Variants in DCAF8L2 observed in about 807,000 individuals in gnomAD.
DCAF8L2 encodes the protein DDB1 and CUL4 associated factor 8 like 2.
For missense variants in DCAF8L2, 430 were observed against 490.7 expected (o/e 0.88, Z 1.17); for synonymous variants, 200 against 190.9 (o/e 1.05, Z -0.39).
chrX:27,655,576 C>T (rs1929320749), intron 2 of DCAF8L2, among the ~76,000 whole-genome samples: 3 of 112,056 alleles, frequency 2.7e-5, no homozygotes, highest in Non-Finnish European at 5.6e-5. Flanking sequence ...ATACACAATT[C>T]AACTTAAAGG....
the DCAF8L2 span, among the ~76,000 whole-genome samples, chrX:27,488,514 C>CTT: frequency 2.7e-5 from 2 of 72,983 alleles, no homozygotes; most frequent in Non-Finnish European, 5.3e-5. Flanking sequence ...GCCAAAATTA[C>CTT]CTCTGTGTGT....
the DCAF8L2 span, among the ~76,000 whole-genome samples, chrX:27,492,727 C>T: frequency 1.8e-5 from 2 of 111,225 alleles, no homozygotes; most frequent in South Asian, 3.7e-4. Context: ...GTGATCCACC[C>T]GCCTCAGCCT....
intron 1 of DCAF8L2, among the ~76,000 whole-genome samples, chrX:27,597,137 T>G (rs1265731959): frequency 8.9e-6 from 1 of 112,062 alleles, no homozygotes; most frequent in Non-Finnish European, 1.9e-5. Context: ...TCTAAGAGCT[T>G]ATTACAATGA....
At chrX:27,588,016 A>ATATATATATAT (rs1569152546), upstream of DCAF8L2, among the ~76,000 whole-genome samples, 7 of 100,140 alleles carry the variant, frequency 7.0e-5, no homozygotes, top group African/African-American at 1.9e-4. Context: ...ATATATATAT[A>ATATATATATAT]ATTTCAAAGT....
At chrX:27,587,985 AATATATATAT>A (rs202098791), upstream of DCAF8L2, among the ~76,000 whole-genome samples, 156 of 22,358 alleles carry the variant, frequency 7.0e-3, no homozygotes, top group East Asian at 0.15. Context: ...TAAAAAAAAA[AATATATATAT>A]ATATATATAT....
the DCAF8L2 span, among the ~76,000 whole-genome samples, chrX:27,517,369 A>G: frequency 9.0e-6 from 1 of 110,903 alleles, no homozygotes; most frequent in South Asian, 3.8e-4. Context: ...GGAAATATAT[A>G]CAGGTTAAAT....
At chrX:27,548,017 G>A in the DCAF8L2 span, among the ~76,000 whole-genome samples, 3 of 109,020 alleles carry the variant, frequency 2.8e-5, no homozygotes, top group Non-Finnish European at 5.7e-5. Flanking sequence ...GTGGAGCTGT[G>A]ATTAAATTAA....
At chrX:27,509,397 C>A in the DCAF8L2 span, among the ~76,000 whole-genome samples, 1 of 111,910 alleles carries the variant, frequency 8.9e-6, no homozygotes, top group African/African-American at 3.2e-5. Flanking sequence ...TGTTTAAAAA[C>A]CTCTTTCAAC....
the DCAF8L2 span, among the ~76,000 whole-genome samples, chrX:27,545,899 A>G: frequency 2.7e-5 from 3 of 111,516 alleles, no homozygotes; most frequent in Admixed American, 9.5e-5. Context: ...GAACCAAACC[A>G]TATCATTCTG....
intron 2 of DCAF8L2, among the ~76,000 whole-genome samples, chrX:27,666,416 A>G (rs1311905358): frequency 8.9e-6 from 1 of 111,994 alleles, no homozygotes; most frequent in African/African-American, 3.2e-5. Context: ...TTATAGTATA[A>G]GAAAGAGCCA....
chrX:27,742,493 C>T (rs978053558), intron 4 of DCAF8L2, among the ~76,000 whole-genome samples: 3 of 108,698 alleles, frequency 2.8e-5, no homozygotes, highest in Non-Finnish European at 3.8e-5. Flanking sequence ...CGCTTGAACC[C>T]GGGAGGCAGA....
the DCAF8L2 span, among the ~76,000 whole-genome samples, chrX:27,469,838 G>A: frequency 2.8e-5 from 3 of 107,354 alleles, no homozygotes; most frequent in East Asian, 2.9e-4. Flanking sequence ...GCAATGGCTC[G>A]GCTTACTGCA....
chrX:27,743,173 C>T (rs1921959165), intron 4 of DCAF8L2, among the ~76,000 whole-genome samples: 2 of 109,608 alleles, frequency 1.8e-5, no homozygotes, highest in Admixed American at 1.9e-4. Context: ...CCTCGATCTC[C>T]CAGGCCCAAG....
At chrX:27,487,578 C>T in the DCAF8L2 span, among the ~76,000 whole-genome samples, 1 of 111,842 alleles carries the variant, frequency 8.9e-6, no homozygotes, top group Non-Finnish European at 1.9e-5. Context: ...CTACTGCGCC[C>T]GGCCTTGATT....
the DCAF8L2 span, among the ~76,000 whole-genome samples, chrX:27,541,125 T>C: frequency 3.4e-4 from 38 of 111,277 alleles, 1 homozygote; most frequent in South Asian, 0.012. Flanking sequence ...CATACAAGTT[T>C]ATTTAATGTG....
the DCAF8L2 span, among the ~76,000 whole-genome samples, chrX:27,474,201 A>G: frequency 8.9e-6 from 1 of 112,258 alleles, no homozygotes; most frequent in African/African-American, 3.2e-5. Flanking sequence ...GACCGAAAGA[A>G]GAAAGCTTAC....
the DCAF8L2 span, among the ~76,000 whole-genome samples, chrX:27,508,252 G>A: frequency 9.0e-6 from 1 of 111,360 alleles, no homozygotes; most frequent in African/African-American, 3.3e-5. Flanking sequence ...CAAGTTTAAG[G>A]GATGGGAGAA....
intron 3 of DCAF8L2, among the ~76,000 whole-genome samples, chrX:27,686,857 A>G (rs1315708982): frequency 8.9e-6 from 1 of 111,750 alleles, no homozygotes; most frequent in Non-Finnish European, 1.9e-5. Context: ...TCAAGATGAA[A>G]CTCTTCCATC....
intron 1 of DCAF8L2, among the ~76,000 whole-genome samples, chrX:27,602,611 TA>T (rs894963216): frequency 2.6e-4 from 29 of 111,160 alleles, no homozygotes; most frequent in African/African-American, 8.8e-4. Context: ...TCACAACTCC[TA>T]AAAAAAGAGT....
Sources: gnomAD v4.1 joint callset for allele counts (sites outside exome capture counted in the v4.1 genomes callset) on GRCh38, gnomAD v4.1.1 for gene constraint, MANE v1.5 for transcripts, NCBI Gene and HGNC (gene_info 2026-07-23, HGNC 2026-07-21) for gene names.